ZNF442: variants seen among roughly 807,000 people sequenced by gnomAD.
ZNF442 encodes the protein zinc finger protein 442.
Under a neutral mutation model 57.0 loss-of-function variants are expected in ZNF442, and 45 were observed. The observed-to-expected ratio is 0.79, with a 90% CI of 0.62 to 1.01. ZNF442 has a LOEUF of 1.01. Among genes scored for constraint, ZNF442 ranks in the 50% least tolerant of loss-of-function variants. The probability of loss-of-function intolerance (pLI) is 0.00; values close to 1 mark genes in which losing one functional copy is unlikely to be tolerated. For synonymous variants in ZNF442, 213 were observed against 241.8 expected, an observed-to-expected ratio of 0.88 and a Z score of 1.10; for missense variants, 690 against 756.5, an observed-to-expected ratio of 0.91 and a Z score of 1.03.
chr19:12,350,220 G>A lies in ZNF442; in HGVS notation c.1365C>T (p.His455=). The A allele has an allele frequency of 3.7e-6, 6 of 1,614,102 alleles. No individual in the cohort carries two copies. The highest frequency in any genetic ancestry group is 5.1e-6 in the Non-Finnish European group (6 of 1,180,016). The change falls in exon 6 of 6, where the codon CAC becomes CAT. Residue 455 remains histidine (H), a synonymous_variant. Transcript: ENST00000242804. The part of the protein sequence containing the change: ...SSSLRRHETT[H]TGEKPYKCKC... ...TACATTTATAGGGTTTCTCTCCAGT[G>A]TGAGTTGTTTCATGTCTTCGAAGGG...
At chr19:12,351,912 A>T in intron 5 of ZNF442, 98 bp downstream of exon 5, 1 of 1,062,980 alleles carries the variant, frequency 9.4e-7, no homozygotes, top group South Asian at 1.5e-5. Context: ...ATAAGTTTGT[A>T]CTGGGCTCGT....
intron 5 of ZNF442, 50 bp downstream of exon 5, chr19:12,351,960 C>T (rs369266781): frequency 1.5e-5 from 23 of 1,547,040 alleles, no homozygotes; most frequent in Non-Finnish European, 1.9e-5. Flanking sequence ...TCCTGTCATC[C>T]TAAGAATTGC....
Position 12,365,569 on chromosome 19 carries a change from A to G in ZNF442, c.-519T>C. The G allele has an allele frequency of 2.3e-6, 1 of 435,628 alleles. No homozygotes were observed. The highest frequency in any genetic ancestry group is 4.2e-6 in the Non-Finnish European group (1 of 236,180). The allele number at this position is 435,628 out of a possible 1,614,324, so 27.0% of individuals were successfully genotyped here. The stretch of plus-strand genomic sequence containing the variant: ...TTCCGCGGTGTCCCGTGTTCTCCCC[A>G]AGGTTCCCCGCTGCCAGCATAGGAC... On this transcript the variant is annotated 5_prime_UTR_variant, in exon 1 of 6. Coordinates refer to ENST00000242804, the MANE Select transcript of ZNF442 (RefSeq NM_030824.3).
At chr19:12,361,941 C>A (rs1211214497) in intron 3 of ZNF442, among the ~76,000 whole-genome samples, 4 of 152,218 alleles carry the variant, frequency 2.6e-5, no homozygotes, top group African/African-American at 9.6e-5. Context: ...GGGCTGGTCT[C>A]CAGCTCCTAA....
intron 5 of ZNF442, 162 bp downstream of exon 5, chr19:12,351,847 GA>G: frequency 1.7e-6 from 1 of 594,826 alleles, no homozygotes; most frequent in East Asian, 2.9e-5. Flanking sequence ...TGCAAACACT[GA>G]ATAGTTATAT....
the ZNF442 span, chr19:12,373,656 G>A: frequency 3.3e-6 from 1 of 307,480 alleles, no homozygotes; most frequent in South Asian, 3.4e-5. Context: ...GTCTGATCCG[G>A]AAATATGGTC....
At chr19:12,373,665 T>C in the ZNF442 span, 1 of 307,104 alleles carries the variant, frequency 3.3e-6, no homozygotes. Context: ...GGAAATATGG[T>C]CTCAATATGT....
At chr19:12,363,176 A>G (rs1969467246) in intron 3 of ZNF442, among the ~76,000 whole-genome samples, 1 of 151,784 alleles carries the variant, frequency 6.6e-6, no homozygotes, top group Admixed American at 6.6e-5. Flanking sequence ...AAAAAAAAAA[A>G]AAAAGGAATA....
chr19:12,372,018 A>G, the ZNF442 span, among the ~76,000 whole-genome samples: 1 of 152,238 alleles, frequency 6.6e-6, no homozygotes, highest in African/African-American at 2.4e-5. Context: ...CAACCTACAA[A>G]ATAGGAAAAA....
chr19:12,366,536 T>C (rs1377737831), upstream of ZNF442, among the ~76,000 whole-genome samples: 2 of 152,204 alleles, frequency 1.3e-5, no homozygotes, highest in Non-Finnish European at 1.5e-5. Flanking sequence ...GCATAGATGT[T>C]ACCTCTCATC....
chr19:12,364,113 T>C (rs757503770), intron 2 of ZNF442, among the ~76,000 whole-genome samples: 14 of 152,148 alleles, frequency 9.2e-5, no homozygotes, highest in Admixed American at 1.3e-4. Context: ...AACACAAATC[T>C]TTTAAGAAGC....
At chr19:12,373,293 A>G in the ZNF442 span, among the ~76,000 whole-genome samples, 2 of 152,062 alleles carry the variant, frequency 1.3e-5, no homozygotes, top group African/African-American at 2.4e-5. Flanking sequence ...TAATCCCAGT[A>G]CTTTGGGAGG....
At chr19:12,352,249 G>A (rs994824693) in intron 4 of ZNF442, among the ~76,000 whole-genome samples, 179 bp from the exon 5 acceptor site, 3 of 151,984 alleles carry the variant, frequency 2.0e-5, no homozygotes, top group Non-Finnish European at 2.9e-5. Flanking sequence ...ATGGAGTCTC[G>A]CTCTGTTGCC....
upstream of ZNF442, among the ~76,000 whole-genome samples, chr19:12,366,887 G>A (rs1268993720): frequency 2.0e-5 from 3 of 152,234 alleles, no homozygotes; most frequent in East Asian, 5.8e-4. Context: ...CGCCGGCCTC[G>A]GCCTCCCAAA....
intron 3 of ZNF442, among the ~76,000 whole-genome samples, chr19:12,359,589 CTT>C (rs1296186796): frequency 6.6e-6 from 1 of 152,138 alleles, no homozygotes; most frequent in East Asian, 1.9e-4. Context: ...GGACCGTGAA[CTT>C]TGACTCATCC....
At chr19:12,363,158 CAAAAAAAAAA>C (rs886442784) in intron 3 of ZNF442, among the ~76,000 whole-genome samples, 5 of 60,674 alleles carry the variant, frequency 8.2e-5, no homozygotes, top group Non-Finnish European at 9.7e-5. Context: ...AGCTCCGTCT[CAAAAAAAAAA>C]AAAAAAAAAA....
At chr19:12,372,108 A>C in the ZNF442 span, among the ~76,000 whole-genome samples, 685 of 152,330 alleles carry the variant, frequency 4.5e-3, 5 homozygotes, top group African/African-American at 0.016. Context: ...AGAAAAACAA[A>C]CACCACCATT....
chr19:12,372,363 G>A, the ZNF442 span, among the ~76,000 whole-genome samples: 1 of 152,068 alleles, frequency 6.6e-6, no homozygotes, highest in Admixed American at 6.6e-5. Flanking sequence ...GGAGGCTGAG[G>A]CAGGAGAATC....
intron 3 of ZNF442, among the ~76,000 whole-genome samples, chr19:12,357,779 T>C (rs746391526): frequency 2.0e-5 from 3 of 152,118 alleles, no homozygotes; most frequent in Non-Finnish European, 4.4e-5. Context: ...AATGATATAG[T>C]GCATTGTGGT....
Sources: gnomAD v4.1 joint callset for allele counts (sites outside exome capture counted in the v4.1 genomes callset) on GRCh38, gnomAD v4.1.1 for gene constraint, MANE v1.5 for transcripts, NCBI Gene and HGNC (gene_info 2026-07-23, HGNC 2026-07-21) for gene names.